XYLT1: variants seen among roughly 807,000 people sequenced by gnomAD.
XYLT1 encodes the protein beta-D-xylosyltransferase 1.
XYLT1 carries 36 observed loss-of-function variants against 91.3 expected under a neutral mutation model. That is an observed-to-expected ratio of 0.39 (90% CI 0.30 to 0.52). XYLT1 has a LOEUF of 0.52. Among genes scored for constraint, XYLT1 ranks in the 20% least tolerant of loss-of-function variants. The pLI is 0.68. For synonymous variants in XYLT1, 588 were observed against 532.0 expected (o/e 1.11, Z -1.45); for missense variants, 1,242 against 1,284.5 (o/e 0.97, Z 0.51).
intron 2 of XYLT1, among the ~76,000 whole-genome samples, chr16:17,331,646 A>G (rs1184834798): frequency 3.3e-5 from 5 of 152,202 alleles, no homozygotes; most frequent in African/African-American, 7.2e-5. Context: ...ATACACACAC[A>G]CATATGGTAG....
chr16:17,290,940 T>C (rs2034213975), intron 2 of XYLT1, among the ~76,000 whole-genome samples: 1 of 152,174 alleles, frequency 6.6e-6, no homozygotes, highest in Non-Finnish European at 1.5e-5. Context: ...TCTTATTTTA[T>C]TCATTTATTT....
At chr16:17,294,364 C>T (rs1016206407) in intron 2 of XYLT1, among the ~76,000 whole-genome samples, 10 of 152,108 alleles carry the variant, frequency 6.6e-5, no homozygotes, top group Non-Finnish European at 1.5e-4. Context: ...CTGGCCAGCC[C>T]AACACCGTCA....
chr16:17,331,062 G>C (rs1452460110), intron 2 of XYLT1, among the ~76,000 whole-genome samples: 7 of 152,238 alleles, frequency 4.6e-5, no homozygotes, highest in Admixed American at 4.6e-4. Context: ...CATGGGCAGA[G>C]CAGGCAGCCA....
chr16:17,138,188 C>T (rs1332883801), intron 8 of XYLT1, 167 bp downstream of exon 8: 4 of 751,296 alleles, frequency 5.3e-6, no homozygotes, highest in Non-Finnish European at 8.4e-6. Flanking sequence ...GAAGTAAGTG[C>T]TCAATAAACA....
chr16:17,330,582 T>G (rs1030954612), intron 2 of XYLT1, among the ~76,000 whole-genome samples: 1 of 150,952 alleles, frequency 6.6e-6, no homozygotes, highest in Non-Finnish European at 1.5e-5. Context: ...AGGTCAGGAG[T>G]TCGAGACCAG....
intron 9 of XYLT1, among the ~76,000 whole-genome samples, chr16:17,130,102 C>T (rs978318184): frequency 6.6e-6 from 1 of 152,228 alleles, no homozygotes; most frequent in Non-Finnish European, 1.5e-5. Flanking sequence ...TTTGAAACAG[C>T]AGAGCTACGC....
chr16:17,338,650 C>T (rs1045760432), intron 2 of XYLT1: 3 of 375,848 alleles, frequency 8.0e-6, no homozygotes, highest in Non-Finnish European at 1.6e-5. Context: ...GACGGAGTCT[C>T]GCTCTGTTGC....
intron 1 of XYLT1, among the ~76,000 whole-genome samples, chr16:17,377,366 C>T (rs1038408243): frequency 2.0e-5 from 3 of 152,192 alleles, no homozygotes; most frequent in Non-Finnish European, 2.9e-5. Flanking sequence ...CACTAACCCC[C>T]TGTCCTCAGC....
Position 17,222,463 on chromosome 16 carries a change from TC to T in XYLT1, c.914-21810del, listed in dbSNP as rs2032986119. Among the ~76,000 whole-genome samples, 4 of 152,242 alleles carry T rather than the reference TC, an allele frequency of 2.6e-5. No individual in the cohort carries two copies. In the South Asian group the frequency reaches 8.3e-4, roughly 32 times the overall value. On this transcript the variant is annotated intron_variant, in intron 3 of 11. Coordinates refer to ENST00000261381, the MANE Select transcript of XYLT1 (RefSeq NM_022166.4). ...TTGAGAAACTGCTTGAAACCCGTGA[TC>T]CTGAAAAAGATTGTCTGAGGAGCTT...
intron 1 of XYLT1, among the ~76,000 whole-genome samples, chr16:17,452,350 C>T (rs181741191): frequency 2.8e-4 from 42 of 149,706 alleles, no homozygotes; most frequent in African/African-American, 1.0e-3. Context: ...AGGCCTGGCA[C>T]CATGGCTCAC....
chr16:17,160,877 A>C (rs2031532701), intron 5 of XYLT1, among the ~76,000 whole-genome samples: 1 of 152,202 alleles, frequency 6.6e-6, no homozygotes. Flanking sequence ...TTTCTCTCCA[A>C]ACCATAAAGA....
rs143316097 is a variant in XYLT1, at chr16:17,322,220, T to C, written c.402+35792A>G. Among the ~76,000 whole-genome samples the C allele has an allele frequency of 2.8e-4, 43 of 152,270 alleles. No individual in the cohort carries two copies. In the East Asian group the frequency reaches 7.7e-3, roughly 27 times the overall value. ...TCACAAGACTTGTACATGACAGATT[T>C]AGATTTTAGCCTATTCTGTTAAACT... On this transcript the variant is annotated intron_variant, in intron 2 of 11. Coordinates refer to ENST00000261381, the MANE Select transcript of XYLT1 (RefSeq NM_022166.4).
At chr16:17,225,975 T>TA (rs999013541) in intron 3 of XYLT1, among the ~76,000 whole-genome samples, 14 of 151,726 alleles carry the variant, frequency 9.2e-5, no homozygotes, top group Middle Eastern at 3.2e-3. Context: ...CAAAAAATTA[T>TA]AAAAAAAAAT....
chr16:17,146,627 G>C (rs999428716), intron 6 of XYLT1, among the ~76,000 whole-genome samples: 2 of 150,974 alleles, frequency 1.3e-5, no homozygotes, highest in African/African-American at 2.4e-5. Context: ...AGCATTTCTG[G>C]TTGAATAAAA....
At position 17,128,130 on chromosome 16, in the gene XYLT1, C is replaced by A. The variant is rs3829495; in HGVS notation, c.2028-269G>T. Among the ~76,000 whole-genome samples, 136,877 of 152,256 alleles carry A rather than the reference C, an allele frequency of 0.9. 62,286 individuals are homozygous for A. Among genetic ancestry groups the A allele is most frequent in the Middle Eastern group, 0.97 (284 of 294 alleles). On this transcript the variant is annotated intron_variant, in intron 9 of 11. Coordinates refer to ENST00000261381, the MANE Select transcript of XYLT1 (RefSeq NM_022166.4). ...CATGCCTCTTCCCATACATAATGTC[C>A]ATTCACAGATATTGAGTCCTCTGGT...
chr16:17,112,590 C>T (rs969404771), intron 11 of XYLT1, among the ~76,000 whole-genome samples: 4 of 152,166 alleles, frequency 2.6e-5, no homozygotes, highest in African/African-American at 7.2e-5. Flanking sequence ...TTACTCCCCT[C>T]TCCTCCATGT....
At chr16:17,289,669 A>T (rs1373032723) in intron 2 of XYLT1, among the ~76,000 whole-genome samples, 1 of 152,246 alleles carries the variant, frequency 6.6e-6, no homozygotes, top group Non-Finnish European at 1.5e-5. Context: ...GAGAATGCAA[A>T]TGACTCCTAT....
intron 2 of XYLT1, among the ~76,000 whole-genome samples, chr16:17,354,188 G>A (rs1020024797): frequency 6.6e-6 from 1 of 152,118 alleles, no homozygotes. Flanking sequence ...GCAAGTCAGG[G>A]CTTCCTTGGT....
At chr16:17,241,069 T>C (rs1427079041) in intron 3 of XYLT1, among the ~76,000 whole-genome samples, 1 of 152,180 alleles carries the variant, frequency 6.6e-6, no homozygotes, top group Non-Finnish European at 1.5e-5. Context: ...GAGAGAAACC[T>C]CATAGGATTC....
Sources: allele counts gnomAD v4.1 joint callset (sites outside exome capture counted in the v4.1 genomes callset), GRCh38; gene constraint gnomAD v4.1.1; transcripts MANE v1.5; gene names NCBI Gene and HGNC (gene_info 2026-07-23, HGNC 2026-07-21).